KCNA10: variants seen among roughly 807,000 people sequenced by gnomAD.
The protein encoded by KCNA10 is cyclic GMP gated potassium channel.
A neutral mutation model predicts 21.4 loss-of-function variants in KCNA10; 16 were observed. The observed-to-expected ratio is 0.75, with a 90% CI of 0.51 to 1.14. The LOEUF is 1.14. Among genes scored for constraint, KCNA10 ranks in the 50% most tolerant of loss-of-function variants. The pLI is 0.00. For synonymous variants in KCNA10, 276 were observed against 245.9 expected, an observed-to-expected ratio of 1.12 and a Z score of -1.15; for missense variants, 677 against 649.1, an observed-to-expected ratio of 1.04 and a Z score of -0.47.
chr1:110,517,493 G>C lies in KCNA10; in HGVS notation c.1295C>G (p.Pro432Arg). The C allele has an allele frequency of 6.2e-7, 1 of 1,614,150 alleles. No homozygotes were observed. Among genetic ancestry groups the C allele is most frequent in the Non-Finnish European group, 8.5e-7 (1 of 1,180,008 alleles). Residue 432 changes from proline (P) to arginine (R), a missense_variant, in exon 1 of 1, where the codon CCA becomes CGA. Transcript: ENST00000369771. ...VGYGDMCPTT[P>R]GGKIVGTLCA... is the part of the protein sequence containing the mutation. ...CAGAGTGCCCACAATCTTCCCCCCTGGGGTGGTCGGGCACATGTCCCCATA... is the reference window on the plus strand; with the variant it reads ...CAGAGTGCCCACAATCTTCCCCCCTCGGGTGGTCGGGCACATGTCCCCATA...
rs757022766 is a variant in KCNA10 at position 110,517,271 on chromosome 1, G to A, written c.1517C>T (p.Thr506Ile). 1 of 1,613,538 alleles carries A rather than the reference G, an allele frequency of 6.2e-7. No homozygotes were observed. The highest frequency in any genetic ancestry group is 1.1e-5 in the South Asian group (1 of 91,058). The change falls in exon 1 of 1, where the codon ACA becomes ATA. Residue 506 changes from threonine to isoleucine, a missense_variant. Transcript: ENST00000369771. ...SLNKTNGGCS[T>I]EKSRK ...GACTGATCATTTCCTAGACTTCTCT[G>A]TGGAACAGCCACCATTGGTCTTATT... is the stretch of plus-strand genomic sequence containing the variant.
chr1:110,517,375 T>C lies in KCNA10; in HGVS notation c.1413A>G (p.Glu471=), dbSNP rs368279266. 1.7e-5 allele frequency: 27 copies of C among 1,614,240 alleles called. No homozygotes were observed. In the African/African-American group the frequency reaches 2.8e-4, roughly 17 times the overall value. ...TTTCTCCTGGGATGTTCTGCTTTTC[T>C]TCATTCTCAGTCTCCCGGTGGTAGA... is the stretch of plus-strand genomic sequence containing the variant. The part of the protein sequence containing the change: ...NYFYHRETEN[E]EKQNIPGEIE... Residue 471 remains glutamate (E), a synonymous_variant, in exon 1 of 1, where the codon GAA becomes GAG. Transcript: ENST00000369771.
Position 110,517,693 on chromosome 1 carries a change from C to A in KCNA10, c.1095G>T (p.Gly365=). ...SRHSKGLQIL[G]QTLKASMREL... ...CCCGCATGGACGCCTTCAGTGTTTG[C>A]CCGAGGATCTGCAGCCCCTTGGAGT... The change falls in exon 1 of 1, where the codon GGG becomes GGT. Residue 365 remains glycine, a synonymous_variant. Coordinates refer to ENST00000369771, the MANE Select transcript of KCNA10 (RefSeq NM_005549.2). The A allele has an allele frequency of 6.2e-7, 1 of 1,614,174 alleles. No individual in the cohort carries two copies. Among genetic ancestry groups the A allele is most frequent in the Non-Finnish European group, 8.5e-7 (1 of 1,180,034 alleles).
rs1557707129 is a variant in KCNA10, at chr1:110,518,781, C to T, written c.7G>A (p.Val3Met). Residue 3 changes from valine (V) to methionine (M), a missense_variant, in exon 1 of 1, where the codon GTG (valine) becomes ATG (methionine). Val to Met is a conservative substitution (Grantham distance 21). Transcript: ENST00000369771. MDVCGWKEMEVAL... is the reference protein window; with the variant it reads MDMCGWKEMEVAL... ...ACCTCCATTTCTTTCCAGCCACACA[C>T]ATCCATTCTAGGGGAGCCAGGGAAG... 1 of 1,564,474 alleles carries T rather than the reference C, an allele frequency of 6.4e-7. No homozygotes were observed. Among genetic ancestry groups the T allele is most frequent in the Non-Finnish European group, 8.7e-7 (1 of 1,151,788 alleles).
chr1:110,517,483 C>T lies in KCNA10; in HGVS notation c.1305G>A (p.Lys435=). 1 of 1,614,184 alleles carries T rather than the reference C, an allele frequency of 6.2e-7. No homozygotes were observed. Among genetic ancestry groups the T allele is most frequent in the East Asian group, 2.2e-5 (1 of 44,882 alleles). Residue 435 remains lysine (K), a synonymous_variant, in exon 1 of 1, where the codon AAG becomes AAA. Transcript: ENST00000369771. ...CAATGGCACACAGAGTGCCCACAAT[C>T]TTCCCCCCTGGGGTGGTCGGGCACA... The part of the protein sequence containing the change: ...GDMCPTTPGG[K]IVGTLCAIAG...
In KCNA10 at chr1:110,517,822, C is replaced by A; in HGVS notation, c.966G>T (p.Glu322Asp). 6.2e-7 allele frequency: 1 copy of A among 1,614,106 alleles called. No individual in the cohort carries two copies. The highest frequency in any genetic ancestry group is 8.5e-7 in the Non-Finnish European group (1 of 1,180,034). Residue 322 changes from glutamate to aspartate, a missense_variant, in exon 1 of 1, where the codon GAG becomes GAT. By Grantham distance (45) the Glu-to-Asp change is conservative (BLOSUM62 2). Coordinates refer to ENST00000369771, the MANE Select transcript of KCNA10 (RefSeq NM_005549.2). ...IIPYFATLIT[E>D]LVQETEPSAQ... ...CACTCGGCTCTGTCTCCTGGACTAG[C>A]TCTGTGATGAGAGTTGCAAAGTAGG... is the stretch of plus-strand genomic sequence containing the variant.
In KCNA10 at chr1:110,517,223, C is replaced by T. The variant is rs1051063508; in HGVS notation, c.*29G>A. On this transcript the variant is annotated 3_prime_UTR_variant, in exon 1 of 1. Coordinates refer to ENST00000369771, the MANE Select transcript of KCNA10 (RefSeq NM_005549.2). Reference sequence around the variant, plus strand: ...AGAGAGAGAGAAGAGAGAAGAGAGACAGGATGGACCCAAGAAGCCCTGGAC... The same window carrying T: ...AGAGAGAGAGAAGAGAGAAGAGAGATAGGATGGACCCAAGAAGCCCTGGAC... 5 of 1,495,188 alleles carry T rather than the reference C, an allele frequency of 3.3e-6. No homozygotes were observed. Among genetic ancestry groups the T allele is most frequent in the African/African-American group, 1.4e-5 (1 of 71,726 alleles). The allele number at this position is 1,495,188 out of a possible 1,614,324, so 92.6% of individuals were successfully genotyped here.
chr1:110,517,990 C>G lies in KCNA10; in HGVS notation c.798G>C (p.Met266Ile), dbSNP rs1647265820. Reference protein sequence around the residue: ...NMSKTVLSQTMFTDPFFMVES... With the variant: ...NMSKTVLSQTIFTDPFFMVES... ...CCACCATGAAGAAAGGGTCGGTGAA[C>G]ATGGTCTGGGAGAGGACTGTCTTGC... Residue 266 changes from methionine (M) to isoleucine (I), a missense_variant, in exon 1 of 1, where the codon ATG (methionine) becomes ATC (isoleucine). Transcript: ENST00000369771. 6.2e-7 allele frequency: 1 copy of G among 1,613,832 alleles called. No homozygotes were observed. Among genetic ancestry groups the G allele is most frequent in the Non-Finnish European group, 8.5e-7 (1 of 1,180,022 alleles).
rs367700529 is a variant in KCNA10, at chr1:110,517,457, G to A, written c.1331C>T (p.Ala444Val). ...AGGGAGGGCAATGGTGAGGACCCCT[G>A]CAATGGCACACAGAGTGCCCACAAT... ...GKIVGTLCAI[A>V]GVLTIALPVP... The change falls in exon 1 of 1, where the codon GCA (alanine) becomes GTA (valine). Residue 444 changes from alanine (A) to valine (V), a missense_variant. Coordinates refer to ENST00000369771, the MANE Select transcript of KCNA10 (RefSeq NM_005549.2). The A allele has an allele frequency of 1.9e-6, 3 of 1,614,078 alleles. No homozygotes were observed. The African/African-American group carries it at 4.0e-5, about 22-fold the overall frequency.
rs964100523 is a variant in KCNA10, at chr1:110,518,055, T to C, written c.733A>G (p.Arg245Gly). 1 of 1,613,730 alleles carries C rather than the reference T, an allele frequency of 6.2e-7. No homozygotes were observed. The highest frequency in any genetic ancestry group is 1.3e-5 in the African/African-American group (1 of 74,792). Residue 245 changes from arginine (R) to glycine (G), a missense_variant, in exon 1 of 1, where the codon AGG becomes GGG. Transcript: ENST00000369771. ...GGGTCTCTGACCACCTTTAGCTCCC[T>C]ATCCTCCCGGAACTCTGGCAGTGTC... ...LETLPEFRED[R>G]ELKVVRDPNL...
Position 110,517,456 on chromosome 1 carries a change from T to C in KCNA10, c.1332A>G (p.Ala444=). 6.2e-7 allele frequency: 1 copy of C among 1,614,180 alleles called. No homozygotes were observed. Among genetic ancestry groups the C allele is most frequent in the Non-Finnish European group, 8.5e-7 (1 of 1,180,034 alleles). ...CAGGGAGGGCAATGGTGAGGACCCCTGCAATGGCACACAGAGTGCCCACAA... is the reference window on the plus strand; with the variant it reads ...CAGGGAGGGCAATGGTGAGGACCCCCGCAATGGCACACAGAGTGCCCACAA... ...GKIVGTLCAI[A]GVLTIALPVP... is the part of the protein sequence containing the mutation. The change falls in exon 1 of 1, where the codon GCA becomes GCG. Residue 444 remains alanine, a synonymous_variant. Transcript: ENST00000369771.
chr1:110,517,364 T>C lies in KCNA10; in HGVS notation c.1424A>G (p.Asn475Ser). ...GATTCTTTCAATTTCTCCTGGGATGTTCTGCTTTTCTTCATTCTCAGTCTC... is the reference window on the plus strand; with the variant it reads ...GATTCTTTCAATTTCTCCTGGGATGCTCTGCTTTTCTTCATTCTCAGTCTC... ...HRETENEEKQ[N>S]IPGEIERILN... Residue 475 changes from asparagine (N) to serine (S), a missense_variant, in exon 1 of 1, where the codon AAC becomes AGC. Transcript: ENST00000369771. The C allele has an allele frequency of 6.2e-7, 1 of 1,614,196 alleles. No homozygotes were observed. The highest frequency in any genetic ancestry group is 1.1e-5 in the South Asian group (1 of 91,084).
rs371057311 is a variant in KCNA10 at position 110,517,255 on chromosome 1, T to C, written c.1533A>G (p.Lys511=). 6.2e-7 allele frequency: 1 copy of C among 1,611,536 alleles called. No individual in the cohort carries two copies. The highest frequency in any genetic ancestry group is 8.5e-7 in the Non-Finnish European group (1 of 1,177,932). The change falls in exon 1 of 1, where the codon AAA becomes AAG. Residue 511 remains lysine (K), a synonymous_variant. Coordinates refer to ENST00000369771, the MANE Select transcript of KCNA10 (RefSeq NM_005549.2). ...GACCCAAGAAGCCCTGGACTGATCATTTCCTAGACTTCTCTGTGGAACAGC... is the reference window on the plus strand; with the variant it reads ...GACCCAAGAAGCCCTGGACTGATCACTTCCTAGACTTCTCTGTGGAACAGC... ...NGGCSTEKSR[K]
At position 110,517,654 on chromosome 1, in the gene KCNA10, G is replaced by A. The variant is rs761479453; in HGVS notation, c.1134C>T (p.Leu378=). 3.2e-5 allele frequency: 52 copies of A among 1,614,022 alleles called. No individual in the cohort carries two copies. Among genetic ancestry groups the A allele is most frequent in the Non-Finnish European group, 4.3e-5 (51 of 1,180,028 alleles). ...LKASMRELGL[L]IFFLFIGVIL... ...TGACTCCAATGAAGAGAAAGAAGATGAGCAACCCCAACTCCCGCATGGACG... is the reference window on the plus strand; with the variant it reads ...TGACTCCAATGAAGAGAAAGAAGATAAGCAACCCCAACTCCCGCATGGACG... The change falls in exon 1 of 1, where the codon CTC becomes CTT. Residue 378 remains leucine, a synonymous_variant. Coordinates refer to ENST00000369771, the MANE Select transcript of KCNA10 (RefSeq NM_005549.2).
At position 110,518,934 on chromosome 1, in the gene KCNA10, T is replaced by C. The variant is rs551040120; in HGVS notation, c.-147A>G. 7.7e-5 allele frequency: 43 copies of C among 562,004 alleles called. 2 individuals carry two copies. In the South Asian group the frequency reaches 1.9e-3, roughly 24 times the overall value. 34.8% of individuals were successfully genotyped at this position (562,004 alleles called of 1,614,324 possible). A position where few individuals can be genotyped will look rare whatever the true frequency, so the allele number is the denominator to read the frequency against. ...GAGGTAAGGTACACCAATGGGCTAA[T>C]CAATGACTTATTTGTAGCTTGGGAA... On this transcript the variant is annotated 5_prime_UTR_variant, in exon 1 of 1. An upstream open reading frame in the 5' UTR loses its in-frame stop. Coordinates refer to ENST00000369771, the MANE Select transcript of KCNA10 (RefSeq NM_005549.2).
Position 110,517,385 on chromosome 1 carries a change from G to T in KCNA10, c.1403C>A (p.Thr468Asn). Residue 468 changes from threonine to asparagine, a missense_variant, in exon 1 of 1, where the codon ACT becomes AAT. Coordinates refer to ENST00000369771, the MANE Select transcript of KCNA10 (RefSeq NM_005549.2). ...SNFNYFYHRETENEEKQNIPG... is the reference protein window; with the variant it reads ...SNFNYFYHRENENEEKQNIPG... ...GATGTTCTGCTTTTCTTCATTCTCA[G>T]TCTCCCGGTGGTAGAAGTAATTGAA... is the stretch of plus-strand genomic sequence containing the variant. 6.2e-7 allele frequency: 1 copy of T among 1,614,132 alleles called. No homozygotes were observed.
Position 110,518,158 on chromosome 1 carries a change from T to C in KCNA10, c.630A>G (p.Glu210=), listed in dbSNP as rs2101234378. The C allele has an allele frequency of 6.2e-7, 1 of 1,612,424 alleles. No homozygotes were observed. The highest frequency in any genetic ancestry group is 1.1e-5 in the South Asian group (1 of 90,976). The change falls in exon 1 of 1, where the codon GAA becomes GAG. Residue 210 remains glutamate, a synonymous_variant. Transcript: ENST00000369771. ...CCACAGCACGGGCAGCGCTGGAACT[T>C]TCAGGGTACTCAAAGAGGAGCCAGA... is the stretch of plus-strand genomic sequence containing the variant. The part of the protein sequence containing the change: ...RQFWLLFEYP[E]SSSAARAVAV...
chr1:110,517,510 G>A lies in KCNA10; in HGVS notation c.1278C>T (p.Asp426=), dbSNP rs769025371. ...VVTMTTVGYG[D]MCPTTPGGKI... The stretch of plus-strand genomic sequence containing the variant: ...TCCCCCCTGGGGTGGTCGGGCACAT[G>A]TCCCCATAGCCTACAGTTGTCATGG... The change falls in exon 1 of 1, where the codon GAC becomes GAT. Residue 426 remains aspartate, a synonymous_variant. Coordinates refer to ENST00000369771, the MANE Select transcript of KCNA10 (RefSeq NM_005549.2). The A allele has an allele frequency of 1.3e-5, 21 of 1,614,204 alleles. No individual in the cohort carries two copies. In the South Asian group the frequency reaches 2.3e-4, roughly 18 times the overall value.
Position 110,519,069 on chromosome 1 carries a change from G to A in KCNA10, c.-282C>T. 1 of 306,518 alleles carries A rather than the reference G, an allele frequency of 3.3e-6. No homozygotes were observed. Among genetic ancestry groups the A allele is most frequent in the Non-Finnish European group, 6.4e-6 (1 of 156,212 alleles). 19.0% of individuals were successfully genotyped at this position (306,518 alleles called of 1,614,324 possible). On this transcript the variant is annotated 5_prime_UTR_variant, in exon 1 of 1. Transcript: ENST00000369771. ...ATTGCAAAAAAAGGATCCTGGCAAAGAAGGGGAGATTCTCCCCAGCAAAGG... is the reference window on the plus strand; with the variant it reads ...ATTGCAAAAAAAGGATCCTGGCAAAAAAGGGGAGATTCTCCCCAGCAAAGG...
Sources: allele counts gnomAD v4.1 joint callset, GRCh38; gene constraint gnomAD v4.1.1; transcripts MANE v1.5; gene names NCBI Gene and HGNC (gene_info 2026-07-23, HGNC 2026-07-21).